Variants in CCDC7 observed in about 807,000 individuals in gnomAD.
CCDC7 encodes the protein coiled-coil domain-containing protein 7.
CCDC7 carries 183 observed loss-of-function variants against 196.9 expected under a neutral mutation model. The ratio of observed to expected loss-of-function variants is 0.93; its 90% CI spans 0.82 to 1.05. The LOEUF is 1.05. Ranked by LOEUF, CCDC7 falls within the 50% of genes least tolerant of loss-of-function variation. CCDC7 has a pLI of 0.00. For missense variants in CCDC7, 1,540 were observed against 1,482.2 expected (o/e 1.04, Z -0.64); for synonymous variants, 525 against 484.6 (o/e 1.08, Z -1.10).
chr10:32,474,006 T>C, exon 8 of CCDC7: 1 of 1,611,880 alleles, frequency 6.2e-7, no homozygotes, highest in South Asian at 1.1e-5. Flanking sequence ...TTTAAAGATG[T>C]TTCTGCAACA....
intron 18 of CCDC7, among the ~76,000 whole-genome samples, chr10:32,616,526 C>T (rs57476186): frequency 0.09 from 13,464 of 150,272 alleles, 858 homozygotes; most frequent in East Asian, 0.33. Context: ...GAAACTTTTC[C>T]GAATTGATTT....
chr10:32,804,966 A>G (rs1356968080), intron 29 of CCDC7, 49 bp from the exon 31 acceptor site: 5 of 1,137,058 alleles, frequency 4.4e-6, no homozygotes, highest in African/African-American at 1.5e-5. Context: ...TCACATTCCT[A>G]TGTAAGGATT....
exon 1 of CCDC7, chr10:32,451,816 A>G: frequency 1.2e-6 from 2 of 1,614,240 alleles, no homozygotes; most frequent in East Asian, 2.2e-5. Flanking sequence ...CTCCACCAAC[A>G]GGAGAATCCA....
At chr10:32,858,900 G>A (rs1422520937) in intron 41 of CCDC7, among the ~76,000 whole-genome samples, 2 of 152,092 alleles carry the variant, frequency 1.3e-5, no homozygotes, top group Non-Finnish European at 2.9e-5. Flanking sequence ...CAATACAGGA[G>A]CACCCAGTTT....
At chr10:32,512,710 C>T (rs2046406525) in intron 9 of CCDC7, 2 of 152,026 alleles carry the variant, frequency 1.3e-5, no homozygotes, top group South Asian at 4.2e-4. Flanking sequence ...GATTTGTGCT[C>T]ATACAGTAGA....
At chr10:32,482,744 C>T (rs1423492351) in intron 8 of CCDC7, among the ~76,000 whole-genome samples, 6 of 151,790 alleles carry the variant, frequency 4.0e-5, no homozygotes, top group South Asian at 4.2e-4. Context: ...TGAGGACATG[C>T]GGTGTTTGGT....
intron 14 of CCDC7, among the ~76,000 whole-genome samples, chr10:32,567,324 T>C (rs1311070552): frequency 6.6e-6 from 1 of 151,786 alleles, no homozygotes; most frequent in Non-Finnish European, 1.5e-5. Context: ...ATATTATAGG[T>C]GCTAATTATC....
intron 11 of CCDC7, 65 bp from the exon 13 acceptor site, chr10:32,543,235 T>A: frequency 8.0e-7 from 1 of 1,250,632 alleles, no homozygotes; most frequent in East Asian, 3.0e-5. Flanking sequence ...ATGTATATTA[T>A]CATATCTTTC....
intron 33 of CCDC7, among the ~76,000 whole-genome samples, chr10:32,841,744 G>A (rs975940125): frequency 2.0e-5 from 3 of 152,038 alleles, no homozygotes; most frequent in South Asian, 2.1e-4. Flanking sequence ...GCATGGTACT[G>A]GTATAAAAAT....
chr10:32,694,980 A>G, exon 24 of CCDC7: 4 of 1,576,022 alleles, frequency 2.5e-6, no homozygotes, highest in Non-Finnish European at 3.5e-6. Context: ...TCCTAGAGAG[A>G]AAAGACATAG....
chr10:32,836,191 G>A (rs770955653), intron 33 of CCDC7, among the ~76,000 whole-genome samples: 7 of 152,020 alleles, frequency 4.6e-5, no homozygotes, highest in Non-Finnish European at 8.8e-5. Context: ...GGCCATTAAA[G>A]AGAGCCCCCT....
chr10:32,813,712 G>T (rs2087691908), intron 30 of CCDC7, among the ~76,000 whole-genome samples: 1 of 152,138 alleles, frequency 6.6e-6, no homozygotes, highest in Non-Finnish European at 1.5e-5. Context: ...TCCCTAGGAT[G>T]ATTTCAATTT....
chr10:32,821,166 C>T (rs541584187), intron 31 of CCDC7, among the ~76,000 whole-genome samples: 2 of 152,218 alleles, frequency 1.3e-5, no homozygotes. Context: ...TGAACAGACA[C>T]TTCTCAAAAG....
chr10:32,863,945 A>G (rs978343736), intron 41 of CCDC7, among the ~76,000 whole-genome samples: 1 of 151,368 alleles, frequency 6.6e-6, no homozygotes, highest in Admixed American at 6.6e-5. Context: ...CCACACTGCA[A>G]AGAAAACAAT....
At chr10:32,444,567 A>C (rs2030543030), upstream of CCDC7, among the ~76,000 whole-genome samples, 1 of 152,250 alleles carries the variant, frequency 6.6e-6, no homozygotes, top group Admixed American at 6.5e-5. Context: ...AGGGTTCTAG[A>C]AAATAACTGA....
intron 16 of CCDC7, among the ~76,000 whole-genome samples, chr10:32,578,251 C>T (rs115402997): frequency 0.028 from 4,213 of 151,936 alleles, 214 homozygotes; most frequent in African/African-American, 0.096. Context: ...ACTGGAGGCC[C>T]GATAAATTTT....
chr10:32,671,630 G>T (rs867562708), intron 21 of CCDC7, among the ~76,000 whole-genome samples: 17 of 152,272 alleles, frequency 1.1e-4, no homozygotes, highest in Middle Eastern at 6.8e-3. Context: ...TTTTGGTCAT[G>T]TCGTATCTTT....
intron 24 of CCDC7, among the ~76,000 whole-genome samples, chr10:32,707,928 A>T (rs1384824966): frequency 6.6e-6 from 1 of 152,238 alleles, no homozygotes; most frequent in Admixed American, 6.5e-5. Flanking sequence ...TGCCATCCCC[A>T]TCAAGCTACC....
intron 18 of CCDC7, among the ~76,000 whole-genome samples, chr10:32,596,227 G>A (rs1039360853): frequency 3.3e-5 from 5 of 152,138 alleles, no homozygotes; most frequent in African/African-American, 9.7e-5. Context: ...CCTGTATTGG[G>A]TGCATATATA....
Sources: allele counts gnomAD v4.1 joint callset (sites outside exome capture counted in the v4.1 genomes callset), GRCh38; gene constraint gnomAD v4.1.1; transcripts MANE v1.5; gene names NCBI Gene and HGNC (gene_info 2026-07-23, HGNC 2026-07-21).